Variants in SIK3 observed in about 807,000 individuals in gnomAD.
SIK3 encodes the protein serine/threonine-protein kinase SIK3.
Under a neutral mutation model 144.2 loss-of-function variants are expected in SIK3, and 28 were observed. That is an observed-to-expected ratio of 0.19 (90% CI 0.14 to 0.27). SIK3 has a LOEUF of 0.27. SIK3 is among the 10% of genes least tolerant of loss of function. The probability of loss-of-function intolerance (pLI) is 1.00; values close to 1 mark genes in which losing one functional copy is unlikely to be tolerated. For missense variants in SIK3, 1,319 were observed against 1,776.0 expected, an observed-to-expected ratio of 0.74 and a Z score of 4.62; for synonymous variants, 686 against 676.3, an observed-to-expected ratio of 1.01 and a Z score of -0.22.
In SIK3 at chr11:116,978,799, C is replaced by T. The variant is rs943674086; in HGVS notation, c.274-21735G>A. 1.4e-4 allele frequency among the ~76,000 whole-genome samples: 22 copies of T among 152,278 alleles called. No homozygotes were observed. In the East Asian group the frequency reaches 4.2e-3, roughly 29 times the overall value. ...CTGGGATTACAGGCCTGTACCACTG[C>T]ACCCACCCCGTATTTATTATTTCTA... On this transcript the variant is annotated intron_variant, in intron 1 of 24. Transcript: ENST00000445177.
At chr11:116,892,343 T>A (rs1026372315) in intron 6 of SIK3, among the ~76,000 whole-genome samples, 2 of 152,138 alleles carry the variant, frequency 1.3e-5, no homozygotes, top group Admixed American at 6.6e-5. Flanking sequence ...AGAAAAAGTG[T>A]TTTAAAATGT....
chr11:116,954,395 G>A (rs1385638415), intron 2 of SIK3, among the ~76,000 whole-genome samples: 1 of 151,628 alleles, frequency 6.6e-6, no homozygotes, highest in Non-Finnish European at 1.5e-5. Flanking sequence ...AAAACTGAGA[G>A]GCAAAGAAGT....
At chr11:117,004,747 CCAACTCTTGTA>C (rs1950979715) in intron 1 of SIK3, among the ~76,000 whole-genome samples, 1 of 152,204 alleles carries the variant, frequency 6.6e-6, no homozygotes, top group African/African-American at 2.4e-5. Flanking sequence ...TTTACTCCAA[CCAACTCTTGTA>C]AGATTCCTAC....
At chr11:116,961,423 A>G (rs1403535597) in intron 1 of SIK3, among the ~76,000 whole-genome samples, 2 of 152,254 alleles carry the variant, frequency 1.3e-5, no homozygotes, top group African/African-American at 4.8e-5. Flanking sequence ...GAGAATATCT[A>G]AACAGATAAA....
chr11:116,980,763 G>A (rs550551451), intron 1 of SIK3, among the ~76,000 whole-genome samples: 10 of 151,818 alleles, frequency 6.6e-5, no homozygotes, highest in African/African-American at 2.4e-4. Flanking sequence ...GAGGTGGGAG[G>A]ATCACTTGAA....
intron 1 of SIK3, among the ~76,000 whole-genome samples, chr11:117,038,535 T>G (rs927686343): frequency 1.3e-5 from 2 of 151,822 alleles, no homozygotes; most frequent in African/African-American, 4.8e-5. Flanking sequence ...TTTTGTATTT[T>G]CAGTAGAGAC....
At chr11:117,070,009 G>A (rs1954193898) in intron 1 of SIK3, among the ~76,000 whole-genome samples, 1 of 152,100 alleles carries the variant, frequency 6.6e-6, no homozygotes. Context: ...CATGAACTAA[G>A]GCATAGTGAT....
At chr11:116,931,245 C>A (rs2135168432) in intron 3 of SIK3, among the ~76,000 whole-genome samples, 1 of 152,304 alleles carries the variant, frequency 6.6e-6, no homozygotes. Context: ...AGAGCACCAG[C>A]ACGTAAGTTT....
At chr11:116,953,177 C>G (rs540297469) in intron 3 of SIK3, among the ~76,000 whole-genome samples, 3 of 151,996 alleles carry the variant, frequency 2.0e-5, no homozygotes, top group African/African-American at 2.4e-5. Flanking sequence ...AAAAGTGATT[C>G]TATGCTTTTA....
chr11:116,949,008 T>C (rs1164157864), intron 3 of SIK3, among the ~76,000 whole-genome samples: 1 of 150,516 alleles, frequency 6.6e-6, no homozygotes, highest in Non-Finnish European at 1.5e-5. Context: ...AATAAATAAA[T>C]AATGAAACAA....
chr11:116,897,050 T>G, intron 5 of SIK3, 143 bp downstream of exon 5: 1 of 818,158 alleles, frequency 1.2e-6, no homozygotes, highest in Non-Finnish European at 1.8e-6. Flanking sequence ...AAAAAAGGCT[T>G]TGCACAGGAA....
chr11:117,025,628 C>T (rs957289902), intron 1 of SIK3, among the ~76,000 whole-genome samples: 1 of 152,044 alleles, frequency 6.6e-6, no homozygotes, highest in South Asian at 2.1e-4. Context: ...CAGAGTTTCA[C>T]CATGTTGTCC....
chr11:117,070,753 T>A (rs1954234226), intron 1 of SIK3, among the ~76,000 whole-genome samples: 1 of 80,646 alleles, frequency 1.2e-5, no homozygotes, highest in South Asian at 3.9e-4. Context: ...GCCCTTTTTC[T>A]TTTTTTTTTT....
chr11:116,979,413 C>G (rs1950063786), intron 1 of SIK3, among the ~76,000 whole-genome samples: 1 of 151,868 alleles, frequency 6.6e-6, no homozygotes, highest in Non-Finnish European at 1.5e-5. Flanking sequence ...AGTACATTTC[C>G]CAAGTTGTGG....
chr11:116,977,730 A>G (rs538454341), intron 1 of SIK3, among the ~76,000 whole-genome samples: 1 of 152,326 alleles, frequency 6.6e-6, no homozygotes, highest in South Asian at 2.1e-4. Flanking sequence ...AGACAGGTAG[A>G]ATAAAAGGCC....
At chr11:117,003,494 A>AT (rs1217252915) in intron 1 of SIK3, among the ~76,000 whole-genome samples, 3 of 152,112 alleles carry the variant, frequency 2.0e-5, no homozygotes, top group Admixed American at 6.6e-5. Flanking sequence ...TAAAAAAAAA[A>AT]ATATATTCAA....
rs530422933 is a variant in SIK3 at position 116,978,696 on chromosome 11, A to G, written c.274-21632T>C. On this transcript the variant is annotated intron_variant, in intron 1 of 24. Coordinates refer to ENST00000445177, the MANE Select transcript of SIK3 (RefSeq NM_001366686.3). Reference sequence around the variant, plus strand: ...TATTTTTTTTAATTTGTTGTAGGGAAAGGGTCTTGCTATGTTGCCCAAGCT... The same window carrying G: ...TATTTTTTTTAATTTGTTGTAGGGAGAGGGTCTTGCTATGTTGCCCAAGCT... Among the ~76,000 whole-genome samples the G allele has an allele frequency of 2.0e-5, 3 of 151,592 alleles. No individual in the cohort carries two copies. In the East Asian group the frequency reaches 5.8e-4, roughly 29 times the overall value.
chr11:117,071,061 A>G (rs1293441782), intron 1 of SIK3, among the ~76,000 whole-genome samples: 1 of 152,124 alleles, frequency 6.6e-6, no homozygotes, highest in African/African-American at 2.4e-5. Context: ...CATAAAATAA[A>G]ACAAAATAGA....
At chr11:116,980,778 G>A (rs1591471963) in intron 1 of SIK3, among the ~76,000 whole-genome samples, 1 of 152,038 alleles carries the variant, frequency 6.6e-6, no homozygotes. Context: ...CTTGAACCTA[G>A]GAGGCGGAGG....
Sources: allele counts gnomAD v4.1 joint callset (sites outside exome capture counted in the v4.1 genomes callset), GRCh38; gene constraint gnomAD v4.1.1; transcripts MANE v1.5; gene names NCBI Gene and HGNC (gene_info 2026-07-23, HGNC 2026-07-21).